XRN1: variants seen among roughly 807,000 people sequenced by gnomAD.
The protein encoded by XRN1 is strand-exchange protein 1 homolog.
Under a neutral mutation model 222.3 loss-of-function variants are expected in XRN1, and 67 were observed. The ratio of observed to expected loss-of-function variants is 0.30; its 90% CI spans 0.25 to 0.37. XRN1 has a LOEUF of 0.37. XRN1 is among the 10% of genes least tolerant of loss of function. The pLI is 1.00. For missense variants in XRN1, 1,707 were observed against 2,000.2 expected (o/e 0.85, Z 2.80); for synonymous variants, 643 against 652.4 (o/e 0.99, Z 0.22).
intron 20 of XRN1, among the ~76,000 whole-genome samples, chr3:142,391,787 AATTT>A (rs2067733732): frequency 6.8e-6 from 1 of 147,340 alleles, no homozygotes; most frequent in African/African-American, 2.5e-5. Context: ...AATGAAATAA[AATTT>A]ATTGTATTTT....
At chr3:142,373,915 G>A (rs2067062970) in intron 25 of XRN1, among the ~76,000 whole-genome samples, 1 of 152,204 alleles carries the variant, frequency 6.6e-6, no homozygotes, top group African/African-American at 2.4e-5. Context: ...TGGGGAGGCA[G>A]AGGTTGCAGT....
chr3:142,352,726 A>T lies in XRN1; in HGVS notation c.3768+2675T>A, dbSNP rs142496499. Among the ~76,000 whole-genome samples, 972 of 152,064 alleles carry T rather than the reference A, an allele frequency of 6.4e-3. 5 individuals are homozygous for T. The highest frequency in any genetic ancestry group is 0.011 in the Non-Finnish European group (763 of 67,974). ...ACAATCTTGACTCACTGCAACTTCC[A>T]CCTCCTGGGTTCAAGTGATTCTCCT... On this transcript the variant is annotated intron_variant, in intron 32 of 40. Transcript: ENST00000392981.
At chr3:142,422,338 A>C (rs73238186) in intron 8 of XRN1, among the ~76,000 whole-genome samples, 18,217 of 152,108 alleles carry the variant, frequency 0.12, 1,109 homozygotes, top group Non-Finnish European at 0.14. Context: ...AAATAAATAA[A>C]TAATAAAAAA....
Position 142,441,034 on chromosome 3 carries a change from C to G in XRN1, c.75+6836G>C, listed in dbSNP as rs145664435. Among the ~76,000 whole-genome samples, 10 of 152,334 alleles carry G rather than the reference C, an allele frequency of 6.6e-5. No homozygotes were observed. The East Asian group carries it at 1.9e-3, about 29-fold the overall frequency. Reference sequence around the variant, plus strand: ...ATTCAGAAACCTTGTGCCACCAAGCCACCCAAGCGCTCTTAAATTTCCTCG... The same window carrying G: ...ATTCAGAAACCTTGTGCCACCAAGCGACCCAAGCGCTCTTAAATTTCCTCG... On this transcript the variant is annotated intron_variant, in intron 1 of 40. Coordinates refer to ENST00000392981, the MANE Select transcript of XRN1 (RefSeq NM_001282857.2).
At chr3:142,348,391 G>A (rs1275861878) in intron 32 of XRN1, among the ~76,000 whole-genome samples, 1 of 152,012 alleles carries the variant, frequency 6.6e-6, no homozygotes, top group Non-Finnish European at 1.5e-5. Flanking sequence ...ATATTAAATA[G>A]CCAGACTGAT....
intron 18 of XRN1, among the ~76,000 whole-genome samples, chr3:142,402,561 A>T (rs1335765846): frequency 6.6e-6 from 1 of 152,180 alleles, no homozygotes. Context: ...TCTCTCAAAG[A>T]TGGTACATAA....
chr3:142,401,023 A>T (rs1040641212), intron 18 of XRN1, among the ~76,000 whole-genome samples: 11 of 152,036 alleles, frequency 7.2e-5, no homozygotes, highest in Non-Finnish European at 1.3e-4. Context: ...TATCTTCCTT[A>T]TTTTTTTATG....
At chr3:142,418,459 TC>T in intron 12 of XRN1, 44 bp downstream of exon 12, 1 of 1,461,982 alleles carries the variant, frequency 6.8e-7, no homozygotes, top group Non-Finnish European at 9.4e-7. Context: ...AACTGCAAAA[TC>T]TAATTTTTTC....
intron 28 of XRN1, 60 bp downstream of exon 28, chr3:142,365,250 G>C: frequency 1.3e-6 from 2 of 1,577,964 alleles, no homozygotes; most frequent in Non-Finnish European, 1.7e-6. Context: ...AAACATCTTT[G>C]CTCCTTCCAT....
intron 29 of XRN1, among the ~76,000 whole-genome samples, chr3:142,364,113 A>G (rs1044186801): frequency 2.2e-4 from 34 of 152,208 alleles, no homozygotes; most frequent in African/African-American, 7.2e-4. Flanking sequence ...CAGGTGAGGA[A>G]ATAACACCCA....
chr3:142,417,342 A>C, intron 12 of XRN1, 113 bp from the exon 13 acceptor site: 1 of 830,674 alleles, frequency 1.2e-6, no homozygotes, highest in Non-Finnish European at 1.9e-6. Flanking sequence ...TTAATCAATG[A>C]ATTAGCTATT....
intron 22 of XRN1, among the ~76,000 whole-genome samples, chr3:142,381,003 A>G (rs541337567): frequency 1.2e-5 from 1 of 84,472 alleles, no homozygotes; most frequent in African/African-American, 3.7e-5. Flanking sequence ...ATTTCAAAGT[A>G]CCAAAAAGTT....
At chr3:142,416,169 GTTTA>G (rs1336775357) in intron 13 of XRN1, among the ~76,000 whole-genome samples, 3 of 151,794 alleles carry the variant, frequency 2.0e-5, no homozygotes, top group Non-Finnish European at 4.4e-5. Context: ...TGATTATTCT[GTTTA>G]TTTATTTATT....
chr3:142,424,265 T>C (rs2069158209), intron 5 of XRN1, among the ~76,000 whole-genome samples: 1 of 152,128 alleles, frequency 6.6e-6, no homozygotes. Flanking sequence ...TGGCTAATTT[T>C]TGTATTTTTT....
intron 21 of XRN1, among the ~76,000 whole-genome samples, chr3:142,383,808 C>T (rs1243578469): frequency 6.6e-6 from 1 of 151,958 alleles, no homozygotes; most frequent in Non-Finnish European, 1.5e-5. Flanking sequence ...TCGCTACATA[C>T]TTAAAAAAAT....
At chr3:142,371,593 T>C (rs2066993922) in intron 25 of XRN1, among the ~76,000 whole-genome samples, 1 of 152,162 alleles carries the variant, frequency 6.6e-6, no homozygotes, top group Non-Finnish European at 1.5e-5. Context: ...TCTCTTTCAT[T>C]AAAATGACAG....
intron 1 of XRN1, among the ~76,000 whole-genome samples, chr3:142,445,154 G>T (rs2070449848): frequency 6.6e-6 from 1 of 151,142 alleles, no homozygotes; most frequent in Admixed American, 6.6e-5. Flanking sequence ...TTCTCAAATG[G>T]TATCATTTGC....
chr3:142,359,499 T>C (rs2066558742), intron 30 of XRN1, among the ~76,000 whole-genome samples: 1 of 152,148 alleles, frequency 6.6e-6, no homozygotes, highest in Non-Finnish European at 1.5e-5. Context: ...TCCCCCCTTT[T>C]CTCCCTGGTT....
chr3:142,442,037 C>T (rs1257102017), intron 1 of XRN1, among the ~76,000 whole-genome samples: 1 of 152,142 alleles, frequency 6.6e-6, no homozygotes, highest in Non-Finnish European at 1.5e-5. Flanking sequence ...TGAAAATAAT[C>T]CCCTCATTCC....
Sources: allele counts gnomAD v4.1 joint callset (sites outside exome capture counted in the v4.1 genomes callset), GRCh38; gene constraint gnomAD v4.1.1; transcripts MANE v1.5; gene names NCBI Gene and HGNC (gene_info 2026-07-23, HGNC 2026-07-21).